KCNH1: variants seen among roughly 807,000 people sequenced by gnomAD.
KCNH1 encodes potassium voltage-gated channel subfamily H member 1, also known as voltage-gated delayed rectifier potassium channel KCNH1.
A neutral mutation model predicts 69.2 loss-of-function variants in KCNH1; 27 were observed. The ratio of observed to expected loss-of-function variants is 0.39; its 90% CI spans 0.29 to 0.54. The LOEUF (loss-of-function observed/expected upper bound fraction) is 0.54, where lower values mean the gene tolerates loss of function less well. KCNH1 is among the 20% of genes least tolerant of loss of function. KCNH1 has a pLI of 0.68. For synonymous variants in KCNH1, 456 were observed against 487.7 expected, an observed-to-expected ratio of 0.93 and a Z score of 0.86; for missense variants, 798 against 1,261.6, an observed-to-expected ratio of 0.63 and a Z score of 5.57.
intron 5 of KCNH1, among the ~76,000 whole-genome samples, chr1:211,079,237 G>T (rs557063196): frequency 1.1e-4 from 17 of 152,220 alleles, no homozygotes; most frequent in Admixed American, 4.6e-4. Context: ...TAAATTCCTG[G>T]ACACATATGC....
rs763802122 is a variant in KCNH1, at chr1:211,018,952, C to T, written c.863G>A (p.Arg288His). Residue 288 changes from arginine (R) to histidine (H), a missense_variant, in exon 6 of 11, where the codon CGC becomes CAC. Physicochemically the swap from Arg to His is conservative, Grantham distance 29 (BLOSUM62 0). Coordinates refer to ENST00000271751, the MANE Select transcript of KCNH1 (RefSeq NM_172362.3). ...GEVISDPKLI[R>H]MNYLKTWFVI... ...AAACCACGTCTTCAGGTAGTTCATG[C>T]GGATAAGTTTGGGGTCAGAAATCAC... is the stretch of plus-strand genomic sequence containing the variant. 9.3e-6 allele frequency: 15 copies of T among 1,613,864 alleles called. No individual in the cohort carries two copies. Among genetic ancestry groups the T allele is most frequent in the East Asian group, 2.2e-5 (1 of 44,888 alleles).
chr1:210,944,548 G>C (rs77254598), intron 6 of KCNH1, among the ~76,000 whole-genome samples: 2,129 of 152,230 alleles, frequency 0.014, 45 homozygotes, highest in African/African-American at 0.047. Context: ...ATCAGGAGGG[G>C]ACCCCAGGGG....
At chr1:210,916,748 C>G (rs1328469283) in intron 7 of KCNH1, among the ~76,000 whole-genome samples, 3 of 152,092 alleles carry the variant, frequency 2.0e-5, no homozygotes, top group Non-Finnish European at 2.9e-5. Flanking sequence ...CAGTGTCTGG[C>G]AAATAATAAG....
chr1:210,924,831 T>C (rs1006784376), intron 6 of KCNH1, among the ~76,000 whole-genome samples: 3 of 151,262 alleles, frequency 2.0e-5, no homozygotes, highest in Non-Finnish European at 4.4e-5. Context: ...AAAATCCACA[T>C]CACTGCTTCC....
intron 5 of KCNH1, among the ~76,000 whole-genome samples, chr1:211,054,538 T>C (rs967363141): frequency 6.6e-6 from 1 of 151,904 alleles, no homozygotes; most frequent in Non-Finnish European, 1.5e-5. Flanking sequence ...TATTGATAAA[T>C]CAAATTAGAT....
intron 6 of KCNH1, among the ~76,000 whole-genome samples, chr1:210,995,913 T>C (rs747352336): frequency 3.9e-5 from 6 of 152,252 alleles, no homozygotes; most frequent in Middle Eastern, 3.4e-3. Context: ...AAAAATATAT[T>C]ATACCTGGCT....
At chr1:210,947,385 C>T (rs546484353) in intron 6 of KCNH1, among the ~76,000 whole-genome samples, 6 of 151,794 alleles carry the variant, frequency 4.0e-5, no homozygotes, top group Admixed American at 3.3e-4. Context: ...CTGGTGAACA[C>T]GGTGAAACCC....
intron 5 of KCNH1, among the ~76,000 whole-genome samples, chr1:211,080,152 C>T (rs1158965526): frequency 6.6e-6 from 1 of 152,152 alleles, no homozygotes; most frequent in East Asian, 1.9e-4. Flanking sequence ...GCAAAAATCA[C>T]AAGCATTTGT....
intron 10 of KCNH1, among the ~76,000 whole-genome samples, chr1:210,684,948 T>C (rs1007978745): frequency 5.3e-5 from 8 of 152,156 alleles, no homozygotes; most frequent in African/African-American, 1.9e-4. Context: ...CAGCTCAGGG[T>C]GGCTAAATAT....
At chr1:210,997,868 A>T (rs1225620678) in intron 6 of KCNH1, among the ~76,000 whole-genome samples, 1 of 152,236 alleles carries the variant, frequency 6.6e-6, no homozygotes, top group South Asian at 2.1e-4. Flanking sequence ...CAACATTCTT[A>T]AAGAAAAGAA....
chr1:210,859,960 T>G, intron 7 of KCNH1: 1 of 1,586,306 alleles, frequency 6.3e-7, no homozygotes, highest in South Asian at 1.1e-5. Context: ...AGTTCACTTG[T>G]CTTAACCTCT....
intron 7 of KCNH1, among the ~76,000 whole-genome samples, chr1:210,845,146 G>A (rs967584588): frequency 6.6e-6 from 1 of 152,076 alleles, no homozygotes; most frequent in Non-Finnish European, 1.5e-5. Context: ...TTCTACCTGA[G>A]GTACAAAGAG....
intron 10 of KCNH1, among the ~76,000 whole-genome samples, chr1:210,723,377 C>T (rs1682517586): frequency 6.6e-6 from 1 of 152,102 alleles, no homozygotes; most frequent in Non-Finnish European, 1.5e-5. Flanking sequence ...TTGTGGCAGC[C>T]ATGTCCCCCC....
At chr1:211,008,101 C>T (rs1313007854) in intron 6 of KCNH1, among the ~76,000 whole-genome samples, 3 of 152,170 alleles carry the variant, frequency 2.0e-5, no homozygotes, top group Non-Finnish European at 4.4e-5. Flanking sequence ...GATATTTGTA[C>T]TCCAGTGTTC....
chr1:210,827,284 CG>C (rs781533100), intron 7 of KCNH1, among the ~76,000 whole-genome samples: 99 of 151,908 alleles, frequency 6.5e-4, no homozygotes, highest in Non-Finnish European at 1.3e-3. Flanking sequence ...TGCAGTGAGC[CG>C]AGATTGCGCC....
chr1:211,084,205 A>C (rs1218601384), intron 4 of KCNH1, among the ~76,000 whole-genome samples: 1 of 146,398 alleles, frequency 6.8e-6, no homozygotes, highest in East Asian at 2.0e-4. Context: ...AGTGTCAATG[A>C]ATGTGCTATG....
chr1:211,057,896 C>T (rs1481481664), intron 5 of KCNH1, among the ~76,000 whole-genome samples: 1 of 152,050 alleles, frequency 6.6e-6, no homozygotes, highest in Non-Finnish European at 1.5e-5. Flanking sequence ...CCAAATAAAA[C>T]TACCTCAAGA....
intron 7 of KCNH1, among the ~76,000 whole-genome samples, chr1:210,814,038 A>G (rs1558480845): frequency 6.6e-6 from 1 of 152,156 alleles, no homozygotes; most frequent in Non-Finnish European, 1.5e-5. Flanking sequence ...ACTTTTTTTC[A>G]TAAATTACCC....
At chr1:211,042,994 C>T (rs115747607) in intron 5 of KCNH1, among the ~76,000 whole-genome samples, 2,155 of 152,158 alleles carry the variant, frequency 0.014, 50 homozygotes, top group African/African-American at 0.05. Context: ...CCCAAAATGC[C>T]TACATCAAAA....
Sources: allele counts gnomAD v4.1 joint callset (sites outside exome capture counted in the v4.1 genomes callset), GRCh38; gene constraint gnomAD v4.1.1; transcripts MANE v1.5; gene names NCBI Gene and HGNC (gene_info 2026-07-23, HGNC 2026-07-21).